The following MIPOL1 variants were observed in gnomAD, a reference collection of about 807,000 sequenced individuals.
MIPOL1 encodes the protein mirror-image polydactyly 1.
MIPOL1 carries 57 observed loss-of-function variants against 60.9 expected under a neutral mutation model. That is an observed-to-expected ratio of 0.94 (90% CI 0.76 to 1.17). MIPOL1 has a LOEUF of 1.17. Among genes scored for constraint, MIPOL1 ranks in the 50% most tolerant of loss-of-function variants. The pLI, the probability that MIPOL1 is intolerant of heterozygous loss-of-function variation, is 0.00. For missense variants in MIPOL1, 551 were observed against 511.6 expected (o/e 1.08, Z -0.74); for synonymous variants, 179 against 168.8 (o/e 1.06, Z -0.47).
intron 11 of MIPOL1, among the ~76,000 whole-genome samples, chr14:37,482,812 G>T (rs764289894): frequency 2.6e-5 from 4 of 152,038 alleles, no homozygotes; most frequent in Non-Finnish European, 4.4e-5. Context: ...GTGAGGATAT[G>T]GAGAAAAGGG....
intron 9 of MIPOL1, among the ~76,000 whole-genome samples, chr14:37,312,091 C>CTTAAT (rs1398344003): frequency 1.6e-4 from 24 of 151,946 alleles, no homozygotes; most frequent in African/African-American, 5.8e-4. Context: ...GGGATTTTGC[C>CTTAAT]TTAATTTAAT....
intron 9 of MIPOL1, among the ~76,000 whole-genome samples, chr14:37,353,663 A>G (rs1236803869): frequency 2.0e-5 from 3 of 151,456 alleles, no homozygotes; most frequent in African/African-American, 2.4e-5. Context: ...GAATTTATCC[A>G]TTTCTTCTAG....
chr14:37,289,943 G>A (rs1219424994), intron 7 of MIPOL1, among the ~76,000 whole-genome samples: 4 of 152,156 alleles, frequency 2.6e-5, no homozygotes, highest in African/African-American at 9.7e-5. Flanking sequence ...GGAAAGGGGT[G>A]GAAGGGTGGA....
chr14:37,261,149 T>G (rs1387044529), intron 3 of MIPOL1, among the ~76,000 whole-genome samples: 23 of 152,078 alleles, frequency 1.5e-4, no homozygotes, highest in Non-Finnish European at 4.4e-5. Context: ...CTTAAGTATT[T>G]TCTCTTTGTG....
intron 1 of MIPOL1, among the ~76,000 whole-genome samples, chr14:37,217,660 A>G (rs1488728347): frequency 6.6e-6 from 1 of 152,240 alleles, no homozygotes; most frequent in Non-Finnish European, 1.5e-5. Context: ...ATTTCAATTG[A>G]CGCTGAAAAG....
chr14:37,222,729 C>T (rs1034519101), intron 1 of MIPOL1, among the ~76,000 whole-genome samples: 34 of 152,282 alleles, frequency 2.2e-4, no homozygotes, highest in African/African-American at 8.2e-4. Flanking sequence ...AAGTTTCAAA[C>T]TTGGCCTACA....
chr14:37,542,773 G>A (rs182875888), intron 12 of MIPOL1, among the ~76,000 whole-genome samples: 4 of 152,198 alleles, frequency 2.6e-5, no homozygotes, highest in East Asian at 1.9e-4. Flanking sequence ...CCACCTTACT[G>A]CTTCTTATGA....
intron 9 of MIPOL1, among the ~76,000 whole-genome samples, chr14:37,330,452 T>A (rs1054734580): frequency 6.6e-6 from 1 of 152,164 alleles, no homozygotes; most frequent in Non-Finnish European, 1.5e-5. Flanking sequence ...AACATAATTC[T>A]AATTTAACTT....
intron 6 of MIPOL1, among the ~76,000 whole-genome samples, chr14:37,279,312 C>T (rs1032525244): frequency 1.3e-5 from 2 of 150,152 alleles, no homozygotes; most frequent in Admixed American, 6.7e-5. Context: ...AAGAAGCATG[C>T]GTATTTGCTT....
chr14:37,200,406 T>G (rs1965038795), intron 1 of MIPOL1, among the ~76,000 whole-genome samples: 1 of 152,198 alleles, frequency 6.6e-6, no homozygotes. Context: ...AGCAATTTCA[T>G]AAATTGGGTA....
intron 9 of MIPOL1, among the ~76,000 whole-genome samples, chr14:37,351,055 C>G (rs1186783114): frequency 9.1e-5 from 4 of 43,874 alleles, no homozygotes; most frequent in African/African-American, 1.8e-4. Context: ...CTATCCCTCC[C>G]CCCTCCCCCC....
At chr14:37,200,875 TGTGTGTGTGTGTGTG>T (rs1965170258) in intron 1 of MIPOL1, among the ~76,000 whole-genome samples, 2 of 118,398 alleles carry the variant, frequency 1.7e-5, no homozygotes, top group African/African-American at 7.0e-5. Context: ...TGTGTGTGTG[TGTGTGTGTGTGTGTG>T]TGTGTGTGTA....
intron 11 of MIPOL1, chr14:37,423,403 A>G (rs1252045218): frequency 2.0e-5 from 3 of 151,592 alleles, no homozygotes; most frequent in African/African-American, 7.3e-5. Context: ...TTATTAATTT[A>G]TGTTACAGGA....
chr14:37,290,814 A>G (rs1448785225), intron 7 of MIPOL1, among the ~76,000 whole-genome samples: 1 of 152,152 alleles, frequency 6.6e-6, no homozygotes, highest in African/African-American at 2.4e-5. Flanking sequence ...TCACCCCAGT[A>G]TTAAGCCTAG....
At chr14:37,333,605 A>C (rs1436133422) in intron 9 of MIPOL1, among the ~76,000 whole-genome samples, 2 of 152,166 alleles carry the variant, frequency 1.3e-5, no homozygotes. Flanking sequence ...GGCTATATTA[A>C]TATCAGATGA....
intron 9 of MIPOL1, among the ~76,000 whole-genome samples, chr14:37,334,336 C>G (rs1410155943): frequency 6.6e-6 from 1 of 151,716 alleles, no homozygotes; most frequent in Admixed American, 6.6e-5. Flanking sequence ...ACTGTTCAGA[C>G]AATCTTAAAA....
intron 9 of MIPOL1, among the ~76,000 whole-genome samples, chr14:37,329,697 A>C (rs183950866): frequency 1.3e-3 from 205 of 152,274 alleles, no homozygotes; most frequent in African/African-American, 4.8e-3. Context: ...ATAACTGAAA[A>C]AGAGCTTAAT....
chr14:37,299,377 C>G (rs539054244), intron 7 of MIPOL1, among the ~76,000 whole-genome samples: 145 of 152,084 alleles, frequency 9.5e-4, no homozygotes, highest in African/African-American at 3.3e-3. Flanking sequence ...CAACATGGCA[C>G]ATGTATACAT....
At chr14:37,374,766 C>G (rs1050013239) in intron 10 of MIPOL1, among the ~76,000 whole-genome samples, 1 of 152,048 alleles carries the variant, frequency 6.6e-6, no homozygotes, top group Non-Finnish European at 1.5e-5. Context: ...CCTACAAGTA[C>G]CATGCTGTTT....
Sources: allele counts gnomAD v4.1 joint callset (sites outside exome capture counted in the v4.1 genomes callset), GRCh38; gene constraint gnomAD v4.1.1; transcripts MANE v1.5; gene names NCBI Gene and HGNC (gene_info 2026-07-23, HGNC 2026-07-21).